The following HS3ST4 variants were observed in gnomAD, a reference collection of about 807,000 sequenced individuals.
HS3ST4 encodes the protein heparan sulfate glucosamine 3-O-sulfotransferase 4.
Under a neutral mutation model 29.2 loss-of-function variants are expected in HS3ST4, and 17 were observed. The observed-to-expected ratio is 0.58, with a 90% confidence interval of 0.40 to 0.87. The LOEUF (loss-of-function observed/expected upper bound fraction) is 0.87, where lower values mean the gene tolerates loss of function less well. Ranked by LOEUF, HS3ST4 falls within the 40% of genes least tolerant of loss-of-function variation. The pLI is 0.00. For missense variants in HS3ST4, 627 were observed against 634.5 expected (o/e 0.99, Z 0.13); for synonymous variants, 314 against 285.7 (o/e 1.10, Z -1.00).
intron 1 of HS3ST4, among the ~76,000 whole-genome samples, chr16:25,717,250 G>A (rs988447150): frequency 9.9e-5 from 15 of 152,136 alleles, no homozygotes; most frequent in Non-Finnish European, 1.5e-4. Context: ...ACAAGGGTAC[G>A]CAGAAGCAAT....
At chr16:25,971,218 A>C (rs972429663) in intron 1 of HS3ST4, among the ~76,000 whole-genome samples, 22 of 151,940 alleles carry the variant, frequency 1.4e-4, no homozygotes, top group Non-Finnish European at 2.9e-4. Context: ...AAATAATACC[A>C]ACATTTGTTA....
intron 1 of HS3ST4, among the ~76,000 whole-genome samples, chr16:26,057,525 T>G (rs1483839716): frequency 6.6e-6 from 1 of 152,052 alleles, no homozygotes; most frequent in Non-Finnish European, 1.5e-5. Flanking sequence ...GAGGCTGAGG[T>G]GGGCAGATCA....
At chr16:25,863,991 A>C (rs1967664667) in intron 1 of HS3ST4, among the ~76,000 whole-genome samples, 1 of 151,896 alleles carries the variant, frequency 6.6e-6, no homozygotes, top group Non-Finnish European at 1.5e-5. Context: ...TAAGGTGCAG[A>C]GAGCCACCTT....
intron 1 of HS3ST4, among the ~76,000 whole-genome samples, chr16:25,781,102 A>T (rs1331611850): frequency 6.6e-6 from 1 of 152,178 alleles, no homozygotes; most frequent in African/African-American, 2.4e-5. Flanking sequence ...GTTGTTATAA[A>T]AGGGAAGTGG....
intron 1 of HS3ST4, among the ~76,000 whole-genome samples, chr16:25,728,765 T>C (rs980502134): frequency 1.3e-5 from 2 of 152,138 alleles, no homozygotes; most frequent in East Asian, 1.9e-4. Context: ...TTCTCAGTAA[T>C]GATAACTAGT....
chr16:25,841,342 CA>C (rs1484527878), intron 1 of HS3ST4, among the ~76,000 whole-genome samples: 2 of 151,624 alleles, frequency 1.3e-5, no homozygotes, highest in African/African-American at 4.8e-5. Flanking sequence ...CTCTGTCACC[CA>C]GGCTGGAGTG....
At chr16:25,787,409 A>T (rs1377528180) in intron 1 of HS3ST4, among the ~76,000 whole-genome samples, 2 of 152,230 alleles carry the variant, frequency 1.3e-5, no homozygotes, top group African/African-American at 4.8e-5. Context: ...AGTTGAGTGG[A>T]GCTGCCCACC....
intron 1 of HS3ST4, among the ~76,000 whole-genome samples, chr16:26,014,174 T>C (rs1295165286): frequency 6.6e-6 from 1 of 152,204 alleles, no homozygotes; most frequent in Non-Finnish European, 1.5e-5. Flanking sequence ...GATTGTTGTC[T>C]GTCTATCCTA....
At chr16:26,113,445 C>A (rs1240679235) in intron 1 of HS3ST4, among the ~76,000 whole-genome samples, 50 of 138,150 alleles carry the variant, frequency 3.6e-4, no homozygotes, top group Non-Finnish European at 3.6e-4. Context: ...GACTCTGTCT[C>A]AAAAAAAAGA....
At chr16:26,023,026 G>T (rs1188557696) in intron 1 of HS3ST4, among the ~76,000 whole-genome samples, 6 of 151,934 alleles carry the variant, frequency 3.9e-5, no homozygotes. Context: ...GGGGAAACAA[G>T]AGTGAAACTC....
At chr16:25,790,963 G>C (rs569259232) in intron 1 of HS3ST4, among the ~76,000 whole-genome samples, 1 of 152,086 alleles carries the variant, frequency 6.6e-6, no homozygotes, top group Admixed American at 6.5e-5. Flanking sequence ...TAAAAATTAA[G>C]ACTTTATCTC....
chr16:25,989,415 G>C (rs1969094930), intron 1 of HS3ST4, among the ~76,000 whole-genome samples: 1 of 152,146 alleles, frequency 6.6e-6, no homozygotes, highest in Non-Finnish European at 1.5e-5. Flanking sequence ...GACATACATG[G>C]GAAGACCTTT....
intron 1 of HS3ST4, among the ~76,000 whole-genome samples, chr16:25,826,783 CG>C (rs1567248834): frequency 6.6e-6 from 1 of 152,006 alleles, no homozygotes; most frequent in African/African-American, 2.4e-5. Context: ...AGTAATTTCC[CG>C]GGTGATTTTA....
At position 25,841,674 on chromosome 16, in the gene HS3ST4, G is replaced by A. The variant is rs75364778; in HGVS notation, c.734+148523G>A. On this transcript the variant is annotated intron_variant, in intron 1 of 1. Transcript: ENST00000331351. ...TATTCAAAACCAGAGACAATCTCAT[G>A]GAGCTCCTTGTGTCATTAGATTCAC... Among the ~76,000 whole-genome samples the A allele has an allele frequency of 6.5e-3, 985 of 152,140 alleles. 28 individuals carry two copies. In the East Asian group the frequency reaches 0.083, roughly 13 times the overall value.
Position 25,714,380 on chromosome 16 carries a change from C to T in HS3ST4, c.734+21229C>T, listed in dbSNP as rs181645708. Among the ~76,000 whole-genome samples, 4 of 152,318 alleles carry T rather than the reference C, an allele frequency of 2.6e-5. No individual in the cohort carries two copies. The East Asian group carries it at 7.7e-4, about 29-fold the overall frequency. Reference sequence around the variant, plus strand: ...TGGTCATTGATAGAGTACGATGACACTGACGAGAAGTTATCCAGAGTGAAC... The same window carrying T: ...TGGTCATTGATAGAGTACGATGACATTGACGAGAAGTTATCCAGAGTGAAC... On this transcript the variant is annotated intron_variant, in intron 1 of 1. Transcript: ENST00000331351.
intron 1 of HS3ST4, among the ~76,000 whole-genome samples, chr16:25,999,897 T>TTATATATAATATATATATATTTTTA (rs1555477420): frequency 1.5e-5 from 2 of 131,882 alleles, no homozygotes; most frequent in Non-Finnish European, 3.1e-5. Flanking sequence ...TATATATATT[T>TTATATATAATATATATATATTTTTA]TATATATATA....
intron 1 of HS3ST4, among the ~76,000 whole-genome samples, chr16:25,803,798 C>G (rs548319541): frequency 6.6e-6 from 1 of 152,250 alleles, no homozygotes; most frequent in East Asian, 1.9e-4. Context: ...AGATAGGGAC[C>G]AGTTCAGTCT....
chr16:26,052,424 G>A (rs1251358283), intron 1 of HS3ST4, among the ~76,000 whole-genome samples: 7 of 152,142 alleles, frequency 4.6e-5, no homozygotes, highest in African/African-American at 1.7e-4. Flanking sequence ...AGGCTGGAGT[G>A]CAGTGCCACA....
intron 1 of HS3ST4, among the ~76,000 whole-genome samples, chr16:25,817,292 G>A (rs1967102653): frequency 6.6e-6 from 1 of 152,180 alleles, no homozygotes; most frequent in African/African-American, 2.4e-5. Flanking sequence ...TATGGCTGTG[G>A]TTTCAGAACG....
Sources: allele counts gnomAD v4.1 joint callset (sites outside exome capture counted in the v4.1 genomes callset), GRCh38; gene constraint gnomAD v4.1.1; transcripts MANE v1.5; gene names NCBI Gene and HGNC (gene_info 2026-07-23, HGNC 2026-07-21).